COL6A1: variants seen among roughly 807,000 people sequenced by gnomAD.
COL6A1 encodes the protein collagen alpha-1(VI) chain.
Under a neutral mutation model 145.6 loss-of-function variants are expected in COL6A1, and 80 were observed. That is an observed-to-expected ratio of 0.55 (90% CI 0.46 to 0.66). COL6A1 has a LOEUF of 0.66. Among genes scored for constraint, COL6A1 ranks in the 30% least tolerant of loss-of-function variants. COL6A1 has a pLI of 0.00. For missense variants in COL6A1, 1,364 were observed against 1,473.8 expected (o/e 0.93, Z 1.22); for synonymous variants, 638 against 622.8 (o/e 1.02, Z -0.36).
intron 30 of COL6A1, 93 bp downstream of exon 30, chr21:46,001,479 C>T: frequency 2.6e-6 from 4 of 1,509,918 alleles, no homozygotes; most frequent in Non-Finnish European, 3.6e-6. Context: ...CCTCCCGAGG[C>T]CACCGCTGCA....
At chr21:46,000,310 C>T (rs1419137574) in intron 27 of COL6A1, 21 bp from the exon 28 acceptor site, 4 of 1,613,712 alleles carry the variant, frequency 2.5e-6, no homozygotes, top group Non-Finnish European at 3.4e-6. Context: ...GGCCCCAGTA[C>T]CCTCGTCTCT....
At position 45,999,100 on chromosome 21, in the gene COL6A1, C is replaced by T. The variant is rs369473378; in HGVS notation, c.1675-53C>T. 5,334 of 1,552,134 alleles carry T rather than the reference C, an allele frequency of 3.4e-3. 19 individuals carry two copies. Among genetic ancestry groups the T allele is most frequent in the Non-Finnish European group, 3.9e-3 (4,476 of 1,146,318 alleles). On this transcript the variant is annotated intron_variant, in intron 25 of 34. Coordinates refer to ENST00000361866, the MANE Select transcript of COL6A1 (RefSeq NM_001848.3). ...GGATGCTCTGTGGACGGGGCCAGCGCGCAGATGCCCGGGTGGTGCACGGTC... is the reference window on the plus strand; with the variant it reads ...GGATGCTCTGTGGACGGGGCCAGCGTGCAGATGCCCGGGTGGTGCACGGTC...
intron 22 of COL6A1, 148 bp downstream of exon 22, chr21:45,997,910 C>T: frequency 8.9e-7 from 1 of 1,127,344 alleles, no homozygotes; most frequent in Non-Finnish European, 1.3e-6. Flanking sequence ...ACAGTCGGCA[C>T]CTGAGCCAGA....
In COL6A1 at chr21:46,003,309, G is replaced by A; in HGVS notation, c.2465-82G>A. The A allele has an allele frequency of 3.1e-6, 5 of 1,603,180 alleles. No homozygotes were observed. In the South Asian group the frequency reaches 4.4e-5, roughly 14 times the overall value. On this transcript the variant is annotated intron_variant, in intron 34 of 34. Transcript: ENST00000361866. ...CACCACCGTGCCGTGCCCTCTCTGG[G>A]GAGCTTAGACGCTCTCTGGCCGGCC...
chr21:45,986,483 C>G (rs1398985512), intron 3 of COL6A1, 43 bp from the exon 4 acceptor site: 2 of 1,546,404 alleles, frequency 1.3e-6, no homozygotes, highest in Non-Finnish European at 1.7e-6. Flanking sequence ...CCTCCAGTTC[C>G]CCCACCTAGT....
intron 15 of COL6A1, among the ~76,000 whole-genome samples, chr21:45,991,499 G>A (rs370514983): frequency 1.5e-3 from 222 of 152,196 alleles, no homozygotes; most frequent in African/African-American, 4.9e-3. Context: ...GAGGGCGGGA[G>A]CACGAGGCGG....
intron 19 of COL6A1, among the ~76,000 whole-genome samples, chr21:45,993,804 G>A (rs552926186): frequency 2.6e-5 from 4 of 152,230 alleles, no homozygotes; most frequent in African/African-American, 9.6e-5. Flanking sequence ...CAGCCAGGCA[G>A]AGCCCAGAGG....
chr21:45,998,336 C>T (rs2077818564), intron 23 of COL6A1, 62 bp from the exon 24 acceptor site: 4 of 1,601,298 alleles, frequency 2.5e-6, no homozygotes, highest in Non-Finnish European at 3.4e-6. Context: ...CCGCTGTGCG[C>T]CCCTCACAGC....
Position 46,003,376 on chromosome 21 carries a change from C to A in COL6A1, c.2465-15C>A. 1.3e-6 allele frequency: 2 copies of A among 1,599,812 alleles called. No homozygotes were observed. Among genetic ancestry groups the A allele is most frequent in the Middle Eastern group, 1.7e-4 (1 of 6,050 alleles). On this transcript the variant is annotated splice_polypyrimidine_tract_variant and intron_variant, in intron 34 of 34. Coordinates refer to ENST00000361866, the MANE Select transcript of COL6A1 (RefSeq NM_001848.3). ...CCAGGGCCTCATGCTAACGGCTGCC[C>A]ACCCCGCCCCGCAGTCACGTTCTCC...
intron 20 of COL6A1, among the ~76,000 whole-genome samples, chr21:45,996,916 G>A (rs2077808142): frequency 6.6e-6 from 1 of 152,188 alleles, no homozygotes; most frequent in African/African-American, 2.4e-5. Context: ...AGCCCACAGA[G>A]GGTCCTGCGG....
chr21:45,997,535 C>T, intron 21 of COL6A1, 52 bp downstream of exon 21: 1 of 1,587,434 alleles, frequency 6.3e-7, no homozygotes, highest in Non-Finnish European at 8.6e-7. Flanking sequence ...CCTGAGGATC[C>T]AGAACCCACT....
intron 15 of COL6A1, among the ~76,000 whole-genome samples, 169 bp from the exon 16 acceptor site, chr21:45,991,841 T>C (rs577961749): frequency 1.3e-5 from 2 of 152,212 alleles, no homozygotes; most frequent in African/African-American, 2.4e-5. Context: ...CAGGAGGTCT[T>C]TGTGCAGGGT....
Position 46,003,589 on chromosome 21 carries a change from G to A in COL6A1, c.2663G>A (p.Arg888Gln), listed in dbSNP as rs138351067. The stretch of plus-strand genomic sequence containing the variant: ...GGCACGGGCCAGCAGCGCCCAGAGC[G>A]GGCGTCGCTGCAGTTCCTGCAGAAC... ...YSGTGQQRPE[R>Q]ASLQFLQNYT... The change falls in exon 35 of 35, where the codon CGG becomes CAG. Residue 888 changes from arginine to glutamine, a missense_variant. Arg to Gln is a conservative substitution (Grantham distance 43, BLOSUM62 1). Coordinates refer to ENST00000361866, the MANE Select transcript of COL6A1 (RefSeq NM_001848.3). 1.7e-5 allele frequency: 28 copies of A among 1,612,668 alleles called. No homozygotes were observed. The highest frequency in any genetic ancestry group is 1.5e-4 in the Admixed American group (9 of 60,002).
At position 45,994,275 on chromosome 21, in the gene COL6A1, T is replaced by C; in HGVS notation, c.1398+46T>C. ...GGGGGGCGTTGGCCAATTTGGGTTT[T>C]GGGGGTAGAAGTGCTCCAGCAGCTC... On this transcript the variant is annotated intron_variant, in intron 20 of 34. Transcript: ENST00000361866. The surrounding 1 kb of genome is among the most constrained non-coding windows in gnomAD (Gnocchi z 6.8). 6.4e-7 allele frequency: 1 copy of C among 1,569,544 alleles called. No homozygotes were observed. The highest frequency in any genetic ancestry group is 8.7e-7 in the Non-Finnish European group (1 of 1,152,938).
At chr21:46,001,422 G>C (rs769488317) in intron 30 of COL6A1, 36 bp downstream of exon 30, 6 of 1,603,692 alleles carry the variant, frequency 3.7e-6, no homozygotes, top group Non-Finnish European at 5.1e-6. Context: ...CTCAAGCCCA[G>C]GTGCACCCCG....
At chr21:45,986,489 C>G in intron 3 of COL6A1, 37 bp from the exon 4 acceptor site, 1 of 1,549,318 alleles carries the variant, frequency 6.5e-7, no homozygotes, top group Non-Finnish European at 8.7e-7. Flanking sequence ...GTTCCCCCAC[C>G]TAGTCTCGAG....
chr21:45,999,624 C>T (rs1195570420), intron 26 of COL6A1, 33 bp from the exon 27 acceptor site: 1 of 1,612,328 alleles, frequency 6.2e-7, no homozygotes, highest in Non-Finnish European at 8.5e-7. Context: ...GGCTCCTCAC[C>T]CTCAGAGCTC....
At chr21:45,992,328 A>G (rs752981406) in intron 17 of COL6A1, 35 bp from the exon 18 acceptor site, 93 of 1,613,688 alleles carry the variant, frequency 5.8e-5, no homozygotes, top group Non-Finnish European at 6.2e-5. Context: ...TGTGTCCACC[A>G]GACTAACGCC....
chr21:45,992,031 G>A lies in COL6A1; in HGVS notation c.1141G>A (p.Glu381Lys). The change falls in exon 16 of 35, where the codon GAG becomes AAG. Residue 381 changes from glutamate to lysine, a missense_variant. Physicochemically the swap from Glu to Lys is moderately conservative, Grantham distance 56. Transcript: ENST00000361866. Reference protein sequence around the residue: ...GEKGEPGADGEAGRPGSSGPS... With the variant: ...GEKGEPGADGKAGRPGSSGPS... Reference sequence around the variant, plus strand: ...CCAGGGCGAGCCTGGAGCTGACGGGGAGGCGGGGAGACCAGGGAGCTCGGG... The same window carrying A: ...CCAGGGCGAGCCTGGAGCTGACGGGAAGGCGGGGAGACCAGGGAGCTCGGG... 6.2e-7 allele frequency: 1 copy of A among 1,603,974 alleles called. No homozygotes were observed. Among genetic ancestry groups the A allele is most frequent in the Non-Finnish European group, 8.5e-7 (1 of 1,175,912 alleles).
Sources: allele counts gnomAD v4.1 joint callset (sites outside exome capture counted in the v4.1 genomes callset), GRCh38; gene constraint gnomAD v4.1.1; non-coding constraint Gnocchi (gnomAD v3.1); transcripts MANE v1.5; gene names NCBI Gene and HGNC (gene_info 2026-07-23, HGNC 2026-07-21).